The following PLXNA4 variants were observed in gnomAD, a reference collection of about 807,000 sequenced individuals.
PLXNA4 encodes plexin A4.
A neutral mutation model predicts 191.8 loss-of-function variants in PLXNA4; 44 were observed. That is an observed-to-expected ratio of 0.23 (90% CI 0.18 to 0.29). PLXNA4 has a LOEUF of 0.29. Among genes scored for constraint, PLXNA4 ranks in the 10% least tolerant of loss-of-function variants. The probability of loss-of-function intolerance (pLI) is 1.00; values close to 1 mark genes in which losing one functional copy is unlikely to be tolerated. For missense variants in PLXNA4, 1,800 were observed against 2,488.8 expected, an observed-to-expected ratio of 0.72 and a Z score of 5.89; for synonymous variants, 1,082 against 1,009.5, an observed-to-expected ratio of 1.07 and a Z score of -1.36.
intron 2 of PLXNA4, among the ~76,000 whole-genome samples, chr7:132,503,032 T>C (rs1798318280): frequency 1.3e-5 from 2 of 152,192 alleles, no homozygotes. Context: ...ACCTTCTGCA[T>C]GCCACCTTTC....
chr7:132,508,556 C>T lies in PLXNA4; in HGVS notation c.138G>A (p.Glu46=). 2.5e-6 allele frequency: 4 copies of T among 1,614,180 alleles called. No homozygotes were observed. Among genetic ancestry groups the T allele is most frequent in the Non-Finnish European group, 3.4e-6 (4 of 1,180,018 alleles). ...KQRSFVTFRG[E]PAEGFNHLVV... is the part of the protein sequence containing the mutation. Reference sequence around the variant, plus strand: ...CCAGGTGATTGAAACCCTCGGCGGGCTCTCCTCGGAATGTGACAAATGACC... The same window carrying T: ...CCAGGTGATTGAAACCCTCGGCGGGTTCTCCTCGGAATGTGACAAATGACC... The change falls in exon 2 of 32, where the codon GAG becomes GAA. Residue 46 remains glutamate (E), a synonymous_variant. Coordinates refer to ENST00000321063, the MANE Select transcript of PLXNA4 (RefSeq NM_020911.2). This position sits in a 1 kb window ranked among gnomAD's most constrained non-coding sequence, Gnocchi z 4.4.
At chr7:132,589,827 A>G (rs1391338220) in intron 2 of PLXNA4, among the ~76,000 whole-genome samples, 1 of 152,236 alleles carries the variant, frequency 6.6e-6, no homozygotes, top group Non-Finnish European at 1.5e-5. Context: ...ATACACTGCT[A>G]GGAACAACTT....
chr7:132,187,536 G>A lies in PLXNA4; in HGVS notation c.2928C>T (p.Gly976=), dbSNP rs1001507171. The change falls in exon 15 of 32, where the codon GGC becomes GGT. Residue 976 remains glycine, a synonymous_variant. Transcript: ENST00000321063. ...CGTTGCTTCCGGCATTCAGGTTGGT[G>A]CCTGTGATGGTCACTTGGGTCCCTC... is the stretch of plus-strand genomic sequence containing the variant. ...MSGGTQVTIT[G]TNLNAGSNVV... 1.9e-6 allele frequency: 3 copies of A among 1,614,150 alleles called. No homozygotes were observed. In the Admixed American group the frequency reaches 5.0e-5, roughly 27 times the overall value.
chr7:132,388,330 C>T (rs1367985525), intron 3 of PLXNA4, among the ~76,000 whole-genome samples: 1 of 152,022 alleles, frequency 6.6e-6, no homozygotes, highest in East Asian at 1.9e-4. Context: ...GCTGGGGAGA[C>T]CCTGGAAACT....
At chr7:132,579,100 G>A (rs1038447013), upstream of PLXNA4, among the ~76,000 whole-genome samples, 7 of 152,164 alleles carry the variant, frequency 4.6e-5, no homozygotes, top group Admixed American at 2.0e-4. Context: ...GTCCATGTAA[G>A]GTTTGCATCA....
rs981574248 is a variant in PLXNA4, at chr7:132,297,666, G to A, written c.1503+425C>T. Among the ~76,000 whole-genome samples the A allele has an allele frequency of 3.3e-5, 5 of 152,234 alleles. No homozygotes were observed. In the East Asian group the frequency reaches 9.7e-4, roughly 29 times the overall value. ...CTGTTTTCTGAGTCCTGACCATGGT[G>A]TTCCCTTAACTACACTCTTTTGGCA... On this transcript the variant is annotated intron_variant, in intron 4 of 31. Coordinates refer to ENST00000321063, the MANE Select transcript of PLXNA4 (RefSeq NM_020911.2).
At chr7:132,473,863 A>G (rs1035033058) in intron 3 of PLXNA4, among the ~76,000 whole-genome samples, 3 of 151,862 alleles carry the variant, frequency 2.0e-5, no homozygotes, top group African/African-American at 7.3e-5. Flanking sequence ...AAGAAAAAAA[A>G]AAAGAAATTA....
At chr7:132,372,255 C>T (rs890637527) in intron 3 of PLXNA4, among the ~76,000 whole-genome samples, 18 of 152,216 alleles carry the variant, frequency 1.2e-4, no homozygotes, top group Non-Finnish European at 2.2e-4. Flanking sequence ...GAAGCAGAAA[C>T]AAATGGCTAA....
chr7:132,274,563 G>GT (rs1402765683), intron 4 of PLXNA4, among the ~76,000 whole-genome samples: 3 of 151,784 alleles, frequency 2.0e-5, no homozygotes, highest in Non-Finnish European at 4.4e-5. Context: ...TAACTCCTTT[G>GT]TAACCTCATC....
At chr7:132,317,488 T>C (rs1374750734) in intron 3 of PLXNA4, among the ~76,000 whole-genome samples, 3 of 152,032 alleles carry the variant, frequency 2.0e-5, no homozygotes, top group African/African-American at 7.2e-5. Flanking sequence ...TTTGATTGGA[T>C]TGGGTTGTGT....
At chr7:132,159,344 C>T in intron 25 of PLXNA4, 129 bp downstream of exon 25, 1 of 1,455,292 alleles carries the variant, frequency 6.9e-7, no homozygotes, top group South Asian at 1.3e-5. Context: ...TCCAGCCATG[C>T]CTGACTCCCT....
intron 4 of PLXNA4, among the ~76,000 whole-genome samples, chr7:132,243,756 A>G (rs1798957534): frequency 6.8e-6 from 1 of 147,252 alleles, no homozygotes; most frequent in African/African-American, 2.5e-5. Context: ...AGTGACGGCT[A>G]TGATGGATCG....
At chr7:132,466,008 T>C (rs1461533806) in intron 3 of PLXNA4, among the ~76,000 whole-genome samples, 1 of 152,026 alleles carries the variant, frequency 6.6e-6, no homozygotes, top group Non-Finnish European at 1.5e-5. Context: ...CCCACGCAGG[T>C]CAGGGGCCTG....
At chr7:132,164,053 C>A in intron 24 of PLXNA4, 89 bp downstream of exon 24, 2 of 1,561,204 alleles carry the variant, frequency 1.3e-6, no homozygotes, top group Admixed American at 1.8e-5. Flanking sequence ...AGCTGTTCAG[C>A]CTTTCAGCCA....
chr7:132,405,064 GTGTGTGTA>G (rs1182369451), intron 3 of PLXNA4, among the ~76,000 whole-genome samples: 3 of 30,960 alleles, frequency 9.7e-5, no homozygotes, highest in Non-Finnish European at 1.4e-4. Flanking sequence ...GGGTATGTGT[GTGTGTGTA>G]TGTGTGTGTG....
At position 132,534,779 on chromosome 7, in the gene PLXNA4, C is replaced by T. The variant is rs142496489; in HGVS notation, c.-86-26000G>A. ...ACTAATATTTGATATGAAGAATGGG[C>T]GCCATTACTGGGCGTGTTGAGGGGC... is the stretch of plus-strand genomic sequence containing the variant. On this transcript the variant is annotated intron_variant, in intron 1 of 31. Coordinates refer to ENST00000321063, the MANE Select transcript of PLXNA4 (RefSeq NM_020911.2). 5.3e-3 allele frequency among the ~76,000 whole-genome samples: 806 copies of T among 152,252 alleles called. 3 individuals are homozygous for T. Among genetic ancestry groups the T allele is most frequent in the Middle Eastern group, 0.044 (13 of 294 alleles).
intron 2 of PLXNA4, among the ~76,000 whole-genome samples, chr7:132,503,202 T>C (rs1798326517): frequency 1.3e-5 from 2 of 152,204 alleles, no homozygotes; most frequent in Non-Finnish European, 2.9e-5. Context: ...GACCTGCTGG[T>C]GTGCATCTCT....
chr7:132,539,954 C>A (rs1799998445), intron 1 of PLXNA4, among the ~76,000 whole-genome samples: 1 of 152,162 alleles, frequency 6.6e-6, no homozygotes, highest in Non-Finnish European at 1.5e-5. Flanking sequence ...TTAACAATGC[C>A]TTTCCTTCTC....
At chr7:132,462,267 T>C (rs1796536119) in intron 3 of PLXNA4, among the ~76,000 whole-genome samples, 1 of 152,160 alleles carries the variant, frequency 6.6e-6, no homozygotes, top group Non-Finnish European at 1.5e-5. Flanking sequence ...GGATGAATAC[T>C]TTCCAAATCA....
Sources: gnomAD v4.1 joint callset for allele counts (sites outside exome capture counted in the v4.1 genomes callset) on GRCh38, gnomAD v4.1.1 for gene constraint, Gnocchi (gnomAD v3.1) non-coding constraint, MANE v1.5 for transcripts, NCBI Gene and HGNC (gene_info 2026-07-23, HGNC 2026-07-21) for gene names.